The following CNTN6 variants were observed in gnomAD, a reference collection of about 807,000 sequenced individuals.
The protein encoded by CNTN6 is contactin 6, also known as contactin-6.
CNTN6 carries 137 observed loss-of-function variants against 122.8 expected under a neutral mutation model. That is an observed-to-expected ratio of 1.12 (90% CI 0.97 to 1.29). CNTN6 has a LOEUF of 1.29. Ranked by LOEUF, CNTN6 falls within the 50% of genes most tolerant of loss-of-function variation. The probability of loss-of-function intolerance (pLI) is 0.00; values close to 1 mark genes in which losing one functional copy is unlikely to be tolerated. For synonymous variants in CNTN6, 570 were observed against 426.0 expected (o/e 1.34, Z -4.16); for missense variants, 1,634 against 1,223.4 (o/e 1.34, Z -5.01).
chr3:1,313,016 G>C (rs1323926778), intron 7 of CNTN6, among the ~76,000 whole-genome samples: 1 of 137,906 alleles, frequency 7.3e-6, no homozygotes, highest in Non-Finnish European at 1.5e-5. Context: ...ATGATAAACT[G>C]TTAATATGCC....
chr3:1,384,740 C>T (rs9815345), intron 19 of CNTN6, among the ~76,000 whole-genome samples: 2 of 106,026 alleles, frequency 1.9e-5, no homozygotes, highest in East Asian at 2.2e-4. Flanking sequence ...CATATATATA[C>T]ATATATACAC....
chr3:1,113,477 A>C (rs1021844591), intron 1 of CNTN6, among the ~76,000 whole-genome samples: 2 of 152,228 alleles, frequency 1.3e-5, no homozygotes, highest in African/African-American at 4.8e-5. Flanking sequence ...TTAATGCAAT[A>C]AAATAGATTG....
chr3:1,250,811 A>G (rs28716189), intron 4 of CNTN6, among the ~76,000 whole-genome samples: 1,685 of 152,178 alleles, frequency 0.011, 36 homozygotes, highest in African/African-American at 0.038. Context: ...CTTCCATCTG[A>G]AGATGCTTCT....
chr3:1,341,295 G>T (rs1703858255), intron 11 of CNTN6, among the ~76,000 whole-genome samples: 1 of 151,858 alleles, frequency 6.6e-6, no homozygotes, highest in Admixed American at 6.6e-5. Context: ...GGGCTATAAG[G>T]CATGTTAGCA....
At chr3:1,278,703 C>T (rs1309134238) in intron 5 of CNTN6, among the ~76,000 whole-genome samples, 195 bp downstream of exon 5, 1 of 152,180 alleles carries the variant, frequency 6.6e-6, no homozygotes, top group African/African-American at 2.4e-5. Flanking sequence ...AGCAGCCACA[C>T]AGCAAATATG....
chr3:1,293,263 TC>T, intron 5 of CNTN6, among the ~76,000 whole-genome samples: 1 of 152,268 alleles, frequency 6.6e-6, no homozygotes, highest in South Asian at 2.1e-4. Flanking sequence ...TCTCCTTTTT[TC>T]CTTTATTTCT....
chr3:1,107,155 G>A (rs1306178954), intron 1 of CNTN6, among the ~76,000 whole-genome samples: 1 of 151,992 alleles, frequency 6.6e-6, no homozygotes, highest in African/African-American at 2.4e-5. Context: ...TTTAATATGG[G>A]CAAACCATAG....
At chr3:1,238,119 A>G (rs1198060468) in intron 4 of CNTN6, among the ~76,000 whole-genome samples, 1 of 152,216 alleles carries the variant, frequency 6.6e-6, no homozygotes, top group Non-Finnish European at 1.5e-5. Context: ...AATGGCCTAA[A>G]TGCTTCACTT....
intron 2 of CNTN6, among the ~76,000 whole-genome samples, chr3:1,176,632 G>A (rs2093454610): frequency 6.6e-6 from 1 of 152,148 alleles, no homozygotes; most frequent in African/African-American, 2.4e-5. Context: ...ATATAGAGAA[G>A]TTAAAAATAT....
At chr3:1,228,025 C>A (rs1312175105) in intron 4 of CNTN6, 32 bp downstream of exon 4, 1 of 1,591,072 alleles carries the variant, frequency 6.3e-7, no homozygotes, top group Non-Finnish European at 8.6e-7. Flanking sequence ...TAATCTTTGT[C>A]TCTGAAAATA....
At chr3:1,314,756 C>A (rs1379721364) in intron 7 of CNTN6, among the ~76,000 whole-genome samples, 1 of 148,594 alleles carries the variant, frequency 6.7e-6, no homozygotes, top group East Asian at 1.9e-4. Flanking sequence ...AGCACGAAAC[C>A]ACAGCAGAGG....
chr3:1,326,315 C>T (rs1701535078), intron 9 of CNTN6, among the ~76,000 whole-genome samples: 1 of 151,646 alleles, frequency 6.6e-6, no homozygotes, highest in Admixed American at 6.6e-5. Flanking sequence ...TCTTATTGCA[C>T]CCTCATGAAA....
At chr3:1,218,789 A>G (rs776100873) in intron 2 of CNTN6, among the ~76,000 whole-genome samples, 13 of 152,302 alleles carry the variant, frequency 8.5e-5, no homozygotes, top group Non-Finnish European at 1.6e-4. Flanking sequence ...TCAAAAAAAA[A>G]TGAGTACGGT....
At chr3:1,099,379 G>GGA (rs2090750904) in intron 1 of CNTN6, among the ~76,000 whole-genome samples, 1 of 151,506 alleles carries the variant, frequency 6.6e-6, no homozygotes, top group Non-Finnish European at 1.5e-5. Context: ...GGAACCCGGG[G>GGA]GGCGGAGCTT....
intron 17 of CNTN6, among the ~76,000 whole-genome samples, chr3:1,382,637 G>A (rs1559979558): frequency 6.6e-6 from 1 of 152,114 alleles, no homozygotes. Context: ...ATTTGAGTGT[G>A]TATCATAAAA....
chr3:1,332,033 G>A (rs1702362770), intron 11 of CNTN6, among the ~76,000 whole-genome samples: 2 of 152,010 alleles, frequency 1.3e-5, no homozygotes, highest in South Asian at 4.1e-4. Flanking sequence ...AACCCTGTGA[G>A]TTCTATTTAT....
chr3:1,126,720 G>T (rs1348188707), intron 1 of CNTN6, among the ~76,000 whole-genome samples: 4 of 151,774 alleles, frequency 2.6e-5, no homozygotes, highest in Non-Finnish European at 2.9e-5. Flanking sequence ...ACATTTTATT[G>T]ACTGGAAACA....
rs1702063010 is a variant in CNTN6, at chr3:1,329,924, A to G, written c.1353A>G (p.Arg451=). ...ISWKRGTETL[R]QSKRIFLLED... is the part of the protein sequence containing the mutation. ...GGAAAAGAGGAACGGAGACCCTTAG[A>G]CAAAGCAAAAGGTAAACAAATCTTT... Residue 451 remains arginine, a synonymous_variant, in exon 11 of 23, where the codon AGA becomes AGG. Coordinates refer to ENST00000446702, the MANE Select transcript of CNTN6 (RefSeq NM_001289080.2). 6.4e-7 allele frequency: 1 copy of G among 1,568,886 alleles called. No homozygotes were observed.
intron 2 of CNTN6, among the ~76,000 whole-genome samples, chr3:1,163,459 T>C (rs2093178654): frequency 6.6e-6 from 1 of 152,202 alleles, no homozygotes; most frequent in Non-Finnish European, 1.5e-5. Flanking sequence ...CCAGTCAGGC[T>C]GGAGTGCAGT....
Sources: gnomAD v4.1 joint callset for allele counts (sites outside exome capture counted in the v4.1 genomes callset) on GRCh38, gnomAD v4.1.1 for gene constraint, MANE v1.5 for transcripts, NCBI Gene and HGNC (gene_info 2026-07-23, HGNC 2026-07-21) for gene names.